Variants in NEK4 observed in about 807,000 individuals in gnomAD.
NEK4 encodes the protein NIMA related kinase 4.
NEK4 carries 86 observed loss-of-function variants against 98.4 expected under a neutral mutation model. The ratio of observed to expected loss-of-function variants is 0.87; its 90% CI spans 0.73 to 1.05. The LOEUF is 1.05. Among genes scored for constraint, NEK4 ranks in the 50% least tolerant of loss-of-function variants. The pLI is 0.00. For missense variants in NEK4, 898 were observed against 950.3 expected (o/e 0.94, Z 0.72); for synonymous variants, 328 against 342.2 (o/e 0.96, Z 0.46).
At chr3:52,737,786 A>AT (rs1178292090) in intron 14 of NEK4, 67 bp from the exon 15 acceptor site, 31 of 1,116,118 alleles carry the variant, frequency 2.8e-5, no homozygotes, top group Non-Finnish European at 3.4e-5. Flanking sequence ...GAACACTGCA[A>AT]TTTTTTAAAA....
chr3:52,760,114 G>A (rs1327589609), intron 6 of NEK4, among the ~76,000 whole-genome samples: 4 of 152,212 alleles, frequency 2.6e-5, no homozygotes, highest in African/African-American at 9.6e-5. Context: ...CCTTTGGGGT[G>A]ATGAAAATGT....
intron 6 of NEK4, among the ~76,000 whole-genome samples, chr3:52,759,823 A>C (rs753293902): frequency 7.2e-5 from 11 of 152,372 alleles, no homozygotes; most frequent in Middle Eastern, 3.4e-3. Flanking sequence ...AAAGGTGAAA[A>C]AAACCCAGAT....
At chr3:52,716,045 C>T (rs1174728135) in intron 15 of NEK4, among the ~76,000 whole-genome samples, 1 of 152,208 alleles carries the variant, frequency 6.6e-6, no homozygotes. Context: ...TCGCAGAGGA[C>T]CAGTACCCAT....
At chr3:52,769,667 T>C (rs139918473) in intron 1 of NEK4, among the ~76,000 whole-genome samples, 230 of 152,314 alleles carry the variant, frequency 1.5e-3, no homozygotes, top group African/African-American at 5.3e-3. Flanking sequence ...GAACAGGCAA[T>C]TGGGCCCTAT....
rs1158276144 is a variant in NEK4, at chr3:52,752,297, A to G, written c.1003T>C (p.Ser335Pro). ...KCLSQEKPRA[S>P]GLLKSPASLK... is the part of the protein sequence containing the mutation. ...CTGGCAGGTGACTTCAAGAGACCAG[A>G]GGCCCTGGGTTTCTCCTGGGACAAA... The change falls in exon 7 of 16, where the codon TCT (serine) becomes CCT (proline). Residue 335 changes from serine to proline, a missense_variant. Physicochemically the swap from Ser to Pro is moderately conservative, Grantham distance 74. Transcript: ENST00000233027. 6.2e-7 allele frequency: 1 copy of G among 1,614,146 alleles called. No individual in the cohort carries two copies. Among genetic ancestry groups the G allele is most frequent in the South Asian group, 1.1e-5 (1 of 91,084 alleles).
chr3:52,736,393 T>A (rs1172596526), intron 15 of NEK4, among the ~76,000 whole-genome samples: 1 of 152,142 alleles, frequency 6.6e-6, no homozygotes, highest in Non-Finnish European at 1.5e-5. Flanking sequence ...GAGACCATCC[T>A]GGCTGACACA....
intron 8 of NEK4, among the ~76,000 whole-genome samples, chr3:52,747,736 C>T (rs1013273821): frequency 2.7e-5 from 4 of 150,298 alleles, no homozygotes; most frequent in Non-Finnish European, 5.9e-5. Flanking sequence ...CTGGAGGCCA[C>T]GAGTTCAAGA....
chr3:52,722,640 C>T (rs1329627420), intron 15 of NEK4, among the ~76,000 whole-genome samples: 1 of 152,152 alleles, frequency 6.6e-6, no homozygotes, highest in East Asian at 1.9e-4. Flanking sequence ...CGGTGACTCA[C>T]GCCTGTAATT....
At chr3:52,722,245 C>T (rs1405056790) in intron 15 of NEK4, among the ~76,000 whole-genome samples, 2 of 152,086 alleles carry the variant, frequency 1.3e-5, no homozygotes, top group African/African-American at 4.8e-5. Context: ...TCTTCTCCAC[C>T]CTCCTCACCC....
intron 3 of NEK4, 74 bp from the exon 4 acceptor site, chr3:52,766,068 A>T (rs1698545767): frequency 6.8e-7 from 1 of 1,459,884 alleles, no homozygotes; most frequent in African/African-American, 1.4e-5. Context: ...AAAAAAAGAA[A>T]ACATTTTCCT....
chr3:52,763,873 T>C (rs1309594055), intron 4 of NEK4, among the ~76,000 whole-genome samples: 5 of 152,168 alleles, frequency 3.3e-5, no homozygotes, highest in South Asian at 2.1e-4. Context: ...AGAGTATGAG[T>C]TTCCTAAAGA....
rs1187018994 is a variant in NEK4, at chr3:52,709,525, C to T, written c.*2252G>A. The T allele has an allele frequency of 6.6e-6, 1 of 151,550 alleles. No homozygotes were observed. Among genetic ancestry groups the T allele is most frequent in the African/African-American group, 2.4e-5 (1 of 41,254 alleles). 9.4% of individuals were successfully genotyped at this position (151,550 alleles called of 1,614,324 possible). A position where few individuals can be genotyped will look rare whatever the true frequency, so the allele number is the denominator to read the frequency against. ...TTGAGACCAGCCTGGGCAACACAGACTTCCTCTCCACAAAAAATTTTAAAA... is the reference window on the plus strand; with the variant it reads ...TTGAGACCAGCCTGGGCAACACAGATTTCCTCTCCACAAAAAATTTTAAAA... On this transcript the variant is annotated 3_prime_UTR_variant, in exon 16 of 16. Coordinates refer to ENST00000233027, the MANE Select transcript of NEK4 (RefSeq NM_003157.6).
At chr3:52,736,856 T>G (rs1371365475) in intron 15 of NEK4, among the ~76,000 whole-genome samples, 1 of 152,224 alleles carries the variant, frequency 6.6e-6, no homozygotes, top group Non-Finnish European at 1.5e-5. Flanking sequence ...TTGAGTATGA[T>G]TCACATTTAA....
At chr3:52,760,588 G>A (rs1698318565) in intron 6 of NEK4, among the ~76,000 whole-genome samples, 1 of 152,214 alleles carries the variant, frequency 6.6e-6, no homozygotes, top group African/African-American at 2.4e-5. Flanking sequence ...AGTTATTACA[G>A]CACTGACTTT....
At chr3:52,761,427 C>T (rs573879334) in intron 5 of NEK4, among the ~76,000 whole-genome samples, 6 of 152,158 alleles carry the variant, frequency 3.9e-5, no homozygotes, top group East Asian at 1.9e-4. Flanking sequence ...TACAGGTGCA[C>T]GCCACCACGC....
intron 13 of NEK4, among the ~76,000 whole-genome samples, chr3:52,740,679 T>C (rs771783966): frequency 1.3e-5 from 2 of 151,810 alleles, no homozygotes; most frequent in Non-Finnish European, 2.9e-5. Context: ...TAATCCCAGC[T>C]ACTCGGCGGG....
At chr3:52,752,933 T>TACACACACACACACACACACACAC (rs71087017) in intron 6 of NEK4, among the ~76,000 whole-genome samples, 200 of 75,288 alleles carry the variant, frequency 2.7e-3, no homozygotes, top group Middle Eastern at 7.0e-3. Flanking sequence ...TATATATATA[T>TACACACACACACACACACACACAC]ACACACACAC....
At chr3:52,744,214 G>A (rs367945928) in intron 11 of NEK4, 25 bp downstream of exon 11, 1 of 1,582,398 alleles carries the variant, frequency 6.3e-7, no homozygotes, top group Non-Finnish European at 8.7e-7. Flanking sequence ...CTGCCAATTA[G>A]ATGAAGAAAA....
At chr3:52,750,208 A>G (rs1185883268) in intron 7 of NEK4, among the ~76,000 whole-genome samples, 1 of 152,218 alleles carries the variant, frequency 6.6e-6, no homozygotes, top group Non-Finnish European at 1.5e-5. Context: ...AAGTACCTAA[A>G]AAGTAGAAAC....
Sources: allele counts gnomAD v4.1 joint callset (sites outside exome capture counted in the v4.1 genomes callset), GRCh38; gene constraint gnomAD v4.1.1; transcripts MANE v1.5; gene names NCBI Gene and HGNC (gene_info 2026-07-23, HGNC 2026-07-21).